Variants in EXOC6B observed in about 807,000 individuals in gnomAD.
EXOC6B encodes the protein exocyst complex component 6B, also known as SEC15 homolog B.
Under a neutral mutation model 113.5 loss-of-function variants are expected in EXOC6B, and 54 were observed. The ratio of observed to expected loss-of-function variants is 0.48; its 90% CI spans 0.38 to 0.60. EXOC6B has a LOEUF of 0.60. Ranked by LOEUF, EXOC6B falls within the 20% of genes least tolerant of loss-of-function variation. The pLI, the probability that EXOC6B is intolerant of heterozygous loss-of-function variation, is 0.00. For synonymous variants in EXOC6B, 357 were observed against 339.0 expected (o/e 1.05, Z -0.58); for missense variants, 797 against 977.5 (o/e 0.82, Z 2.46).
intron 20 of EXOC6B, among the ~76,000 whole-genome samples, chr2:72,189,844 C>T (rs1678707127): frequency 8.2e-6 from 1 of 122,628 alleles, no homozygotes; most frequent in African/African-American, 3.9e-5. Flanking sequence ...CTCTCTCTCT[C>T]TTTCTCCTTC....
At chr2:72,726,816 A>T (rs1014831352) in intron 5 of EXOC6B, among the ~76,000 whole-genome samples, 1 of 152,202 alleles carries the variant, frequency 6.6e-6, no homozygotes, top group African/African-American at 2.4e-5. Context: ...AATAAAATAC[A>T]GTCAGCCCTT....
At chr2:72,582,205 A>G (rs1253287543) in intron 6 of EXOC6B, among the ~76,000 whole-genome samples, 1 of 152,086 alleles carries the variant, frequency 6.6e-6, no homozygotes, top group African/African-American at 2.4e-5. Context: ...TAAAAATTCT[A>G]TCCACACAAA....
chr2:72,425,355 G>T (rs10176044), intron 18 of EXOC6B, among the ~76,000 whole-genome samples: 38,296 of 152,116 alleles, frequency 0.25, 9,996 homozygotes, highest in African/African-American at 0.67. Context: ...TGCTTTGTTA[G>T]TTTTAAATGA....
chr2:72,766,918 C>T (rs1032967974), intron 1 of EXOC6B, among the ~76,000 whole-genome samples: 6 of 148,244 alleles, frequency 4.0e-5, no homozygotes, highest in Non-Finnish European at 7.4e-5. Context: ...CACCACTGCC[C>T]TCCAGCTTGG....
chr2:72,562,297 A>G (rs1266520093), intron 7 of EXOC6B, among the ~76,000 whole-genome samples: 1 of 152,138 alleles, frequency 6.6e-6, no homozygotes, highest in Admixed American at 6.5e-5. Context: ...CTAAATAAAA[A>G]GGGGTGGGGA....
Position 72,559,395 on chromosome 2 carries a change from G to C in EXOC6B, c.915+58C>G, listed in dbSNP as rs189348391. On this transcript the variant is annotated intron_variant, in intron 8 of 21. Coordinates refer to ENST00000272427, the MANE Select transcript of EXOC6B (RefSeq NM_015189.3). The stretch of plus-strand genomic sequence containing the variant: ...ACAGAAAAACTACCAAAAGTTGAGA[G>C]AGCAAAGTTTTGAACTCAATGGACA... 7,679 of 1,250,262 alleles carry C rather than the reference G, an allele frequency of 6.1e-3. 49 individuals are homozygous for C. The highest frequency in any genetic ancestry group is 7.5e-3 in the Non-Finnish European group (6,905 of 925,804). The allele number at this position is 1,250,262 out of a possible 1,614,324, so 77.4% of individuals were successfully genotyped here.
intron 8 of EXOC6B, among the ~76,000 whole-genome samples, chr2:72,547,168 A>T (rs1381165568): frequency 6.6e-6 from 1 of 152,236 alleles, no homozygotes; most frequent in African/African-American, 2.4e-5. Context: ...AGCCTTTGTA[A>T]TAATGAATTC....
chr2:72,352,829 G>C (rs927531337), intron 19 of EXOC6B, among the ~76,000 whole-genome samples: 2 of 151,246 alleles, frequency 1.3e-5, no homozygotes, highest in African/African-American at 4.9e-5. Context: ...GTAGAAATCT[G>C]TCAACTTGCA....
chr2:72,767,825 A>AAAAAAAAAAAAAC (rs1683170948), intron 1 of EXOC6B, among the ~76,000 whole-genome samples: 1 of 141,052 alleles, frequency 7.1e-6, no homozygotes, highest in African/African-American at 2.6e-5. Flanking sequence ...AAAAAAAAAA[A>AAAAAAAAAAAAAC]AAAAAAAAGA....
chr2:72,270,020 G>A (rs1336597013), intron 20 of EXOC6B, among the ~76,000 whole-genome samples: 1 of 151,988 alleles, frequency 6.6e-6, no homozygotes, highest in Non-Finnish European at 1.5e-5. Context: ...TGGTAAACAG[G>A]GACAGAAAGC....
intron 15 of EXOC6B, among the ~76,000 whole-genome samples, chr2:72,495,178 T>C (rs1245851255): frequency 2.6e-5 from 4 of 152,092 alleles, no homozygotes; most frequent in Admixed American, 6.6e-5. Context: ...TAGTAAACTG[T>C]CATTAATAAG....
chr2:72,467,836 T>C (rs1166181913), intron 17 of EXOC6B, among the ~76,000 whole-genome samples: 1 of 152,126 alleles, frequency 6.6e-6, no homozygotes, highest in African/African-American at 2.4e-5. Flanking sequence ...AGTGGCACAC[T>C]CTTGGCTCAC....
At chr2:72,369,042 G>A (rs192103383) in intron 19 of EXOC6B, among the ~76,000 whole-genome samples, 1,959 of 152,248 alleles carry the variant, frequency 0.013, 22 homozygotes, top group Non-Finnish European at 0.018. Context: ...ATGAATTAAA[G>A]GGTATTCAAT....
At chr2:72,620,101 G>A (rs796667575) in intron 6 of EXOC6B, among the ~76,000 whole-genome samples, 1 of 152,220 alleles carries the variant, frequency 6.6e-6, no homozygotes, top group Non-Finnish European at 1.5e-5. Flanking sequence ...CCAGTCCTTC[G>A]AGGAAGCTGG....
chr2:72,220,295 C>T (rs1365247087), intron 20 of EXOC6B, among the ~76,000 whole-genome samples: 1 of 152,104 alleles, frequency 6.6e-6, no homozygotes, highest in Non-Finnish European at 1.5e-5. Flanking sequence ...ACTTGCAAGT[C>T]CTATCTCTGC....
chr2:72,655,848 G>A (rs1043871675), intron 6 of EXOC6B, among the ~76,000 whole-genome samples: 105 of 152,008 alleles, frequency 6.9e-4, no homozygotes, highest in African/African-American at 2.3e-3. Context: ...TTAAACTTCC[G>A]TAATTTCTTT....
chr2:72,605,003 C>T (rs961990093), intron 6 of EXOC6B, among the ~76,000 whole-genome samples: 1 of 152,064 alleles, frequency 6.6e-6, no homozygotes, highest in Non-Finnish European at 1.5e-5. Flanking sequence ...AATTAAGAAT[C>T]TCCAACTTGG....
chr2:72,451,652 G>T (rs1042583259), intron 18 of EXOC6B, among the ~76,000 whole-genome samples: 1 of 139,550 alleles, frequency 7.2e-6, no homozygotes, highest in Non-Finnish European at 1.5e-5. Flanking sequence ...TTGTCTTTGT[G>T]CCTGTGTGTG....
intron 20 of EXOC6B, among the ~76,000 whole-genome samples, chr2:72,263,071 C>T (rs1468295346): frequency 2.6e-5 from 4 of 152,094 alleles, no homozygotes; most frequent in Non-Finnish European, 5.9e-5. Context: ...ATTGGAAATG[C>T]CATGAAAGTC....
Sources: allele counts gnomAD v4.1 joint callset (sites outside exome capture counted in the v4.1 genomes callset), GRCh38; gene constraint gnomAD v4.1.1; transcripts MANE v1.5; gene names NCBI Gene and HGNC (gene_info 2026-07-23, HGNC 2026-07-21).